Variants in DLGAP2 observed in about 807,000 individuals in gnomAD.
DLGAP2 encodes DLG associated protein 2.
In DLGAP2, 26 loss-of-function variants were observed where a neutral mutation model predicts 100.3. The observed-to-expected ratio is 0.26, with a 90% CI of 0.19 to 0.36. The LOEUF is 0.36. Ranked by LOEUF, DLGAP2 falls within the 10% of genes least tolerant of loss-of-function variation. The probability of loss-of-function intolerance (pLI) is 1.00; values close to 1 mark genes in which losing one functional copy is unlikely to be tolerated. For missense variants in DLGAP2, 1,858 were observed against 1,453.2 expected, an observed-to-expected ratio of 1.28 and a Z score of -4.53; for synonymous variants, 886 against 630.1, an observed-to-expected ratio of 1.41 and a Z score of -6.08.
At chr8:855,098 T>G (rs938462395) in intron 1 of DLGAP2, among the ~76,000 whole-genome samples, 2 of 151,912 alleles carry the variant, frequency 1.3e-5, no homozygotes, top group Non-Finnish European at 2.9e-5. Flanking sequence ...GGTCCTTGAG[T>G]CTGGGATGTG....
At chr8:779,256 G>GA (rs1821620536) in intron 1 of DLGAP2, among the ~76,000 whole-genome samples, 2 of 152,194 alleles carry the variant, frequency 1.3e-5, no homozygotes. Context: ...TCCCTAGTGA[G>GA]ATGAACCTGG....
chr8:776,687 T>G (rs1415204259), intron 1 of DLGAP2, among the ~76,000 whole-genome samples: 1 of 152,258 alleles, frequency 6.6e-6, no homozygotes, highest in Non-Finnish European at 1.5e-5. Flanking sequence ...TCCTGACTTC[T>G]AGTTTGATTG....
intron 1 of DLGAP2, among the ~76,000 whole-genome samples, chr8:905,892 G>A (rs887422090): frequency 2.0e-5 from 3 of 146,636 alleles, no homozygotes; most frequent in African/African-American, 5.0e-5. Context: ...GCCACTGCAC[G>A]TGATAGAGAC....
intron 3 of DLGAP2, among the ~76,000 whole-genome samples, chr8:1,266,258 TA>T (rs1799448617): frequency 6.6e-6 from 1 of 152,230 alleles, no homozygotes; most frequent in South Asian, 2.1e-4. Flanking sequence ...CCTTTTGGCT[TA>T]TGTGGCATTT....
intron 2 of DLGAP2, among the ~76,000 whole-genome samples, chr8:1,252,715 C>T (rs950940454): frequency 2.6e-5 from 4 of 152,268 alleles, no homozygotes; most frequent in African/African-American, 9.6e-5. Flanking sequence ...TGGGCAGTGG[C>T]CATGGCGGCC....
In DLGAP2 at chr8:1,678,541, G is replaced by A. The variant is rs551320904; in HGVS notation, c.2616G>A (p.Leu872=). 1 of 1,598,584 alleles carries A rather than the reference G, an allele frequency of 6.3e-7. No individual in the cohort carries two copies. Among genetic ancestry groups the A allele is most frequent in the Non-Finnish European group, 8.5e-7 (1 of 1,172,810 alleles). The change falls in exon 12 of 15, where the codon TTG becomes TTA. Residue 872 remains leucine (L), a synonymous_variant. Coordinates refer to ENST00000637795, the MANE Select transcript of DLGAP2 (RefSeq NM_001346810.2). ...SPCRRDGSWF[L]KLLHAETKRM... ...GCCGCAGGGATGGCTCGTGGTTTTT[G>A]AAGCTGCTGCACGCAGAGACAAAGA... is the stretch of plus-strand genomic sequence containing the variant.
rs1345653671 is a variant in DLGAP2 at position 1,548,764 on chromosome 8, C to G, written c.311C>G (p.Pro104Arg). ...GGGCACACGTGTGGTCTGGCGCCCCCGGAGGACTGCGAGCACCTGCACCAC... is the reference window on the plus strand; with the variant it reads ...GGGCACACGTGTGGTCTGGCGCCCCGGGAGGACTGCGAGCACCTGCACCAC... ...CSGHTCGLAP[P>R]EDCEHLHHGP... Residue 104 changes from proline to arginine, a missense_variant, in exon 5 of 15, where the codon CCG becomes CGG. Transcript: ENST00000637795. The G allele has an allele frequency of 1.3e-6, 2 of 1,599,178 alleles. No individual in the cohort carries two copies. The highest frequency in any genetic ancestry group is 1.7e-6 in the Non-Finnish European group (2 of 1,175,234).
chr8:1,522,201 C>T (rs1380869947), intron 4 of DLGAP2, among the ~76,000 whole-genome samples: 1 of 152,224 alleles, frequency 6.6e-6, no homozygotes, highest in Non-Finnish European at 1.5e-5. Context: ...GGGGTCCACT[C>T]AGACCTTTCG....
intron 1 of DLGAP2, among the ~76,000 whole-genome samples, chr8:774,199 G>A (rs972786213): frequency 4.7e-4 from 71 of 152,148 alleles, no homozygotes; most frequent in Middle Eastern, 6.8e-3. Context: ...GAGGTTGTTT[G>A]TTTTTTTCTT....
At chr8:1,676,823 A>ATTCT (rs1798822251) in intron 11 of DLGAP2, among the ~76,000 whole-genome samples, 1 of 152,228 alleles carries the variant, frequency 6.6e-6, no homozygotes, top group Non-Finnish European at 1.5e-5. Flanking sequence ...CAAGGGAGTA[A>ATTCT]TTCTTTCCAA....
chr8:1,138,752 T>C (rs1796467392), intron 2 of DLGAP2, among the ~76,000 whole-genome samples: 1 of 152,214 alleles, frequency 6.6e-6, no homozygotes, highest in South Asian at 2.1e-4. Context: ...CCTGTGCGGC[T>C]GGTGGGAAAT....
chr8:1,692,695 A>G (rs1338515156), intron 13 of DLGAP2, among the ~76,000 whole-genome samples: 1 of 152,148 alleles, frequency 6.6e-6, no homozygotes. Context: ...TACAATGAAG[A>G]GATTAAGAAG....
At chr8:941,228 A>G (rs1799188605) in intron 2 of DLGAP2, among the ~76,000 whole-genome samples, 1 of 152,062 alleles carries the variant, frequency 6.6e-6, no homozygotes, top group Admixed American at 6.5e-5. Context: ...GACCAGACAG[A>G]CACAGCAGAT....
chr8:1,345,728 C>G (rs12678087), intron 3 of DLGAP2, among the ~76,000 whole-genome samples: 1 of 152,158 alleles, frequency 6.6e-6, no homozygotes, highest in Non-Finnish European at 1.5e-5. Flanking sequence ...TGGAATCAGA[C>G]AGATGTTGTT....
chr8:1,475,586 A>C (rs992169224), intron 3 of DLGAP2, among the ~76,000 whole-genome samples: 1 of 152,142 alleles, frequency 6.6e-6, no homozygotes, highest in African/African-American at 2.4e-5. Flanking sequence ...GGGTCAGGTC[A>C]CCACCCTAAA....
intron 1 of DLGAP2, among the ~76,000 whole-genome samples, chr8:763,641 G>A (rs1427663756): frequency 6.6e-6 from 1 of 152,136 alleles, no homozygotes; most frequent in Non-Finnish European, 1.5e-5. Context: ...GTGGTCGGTG[G>A]CGACCCAGAG....
intron 2 of DLGAP2, among the ~76,000 whole-genome samples, chr8:1,222,592 A>G (rs551258805): frequency 6.6e-6 from 1 of 151,738 alleles, no homozygotes; most frequent in South Asian, 2.1e-4. Context: ...GGGGGAGTCT[A>G]CAGGTAGGTG....
chr8:912,560 G>A (rs1411162371), intron 2 of DLGAP2, among the ~76,000 whole-genome samples: 1 of 152,184 alleles, frequency 6.6e-6, no homozygotes, highest in African/African-American at 2.4e-5. Flanking sequence ...GGAGTTGTGA[G>A]TTCTTGGCAG....
chr8:744,196 G>T (rs1474763780), intron 1 of DLGAP2, among the ~76,000 whole-genome samples: 1 of 152,144 alleles, frequency 6.6e-6, no homozygotes, highest in African/African-American at 2.4e-5. Flanking sequence ...CGCTCAGCAA[G>T]CTTAGAGGCA....
Sources: gnomAD v4.1 joint callset for allele counts (sites outside exome capture counted in the v4.1 genomes callset) on GRCh38, gnomAD v4.1.1 for gene constraint, MANE v1.5 for transcripts, NCBI Gene and HGNC (gene_info 2026-07-23, HGNC 2026-07-21) for gene names.